SEL1L: variants seen among roughly 807,000 people sequenced by gnomAD.
The protein encoded by SEL1L is protein sel-1 homolog 1.
A neutral mutation model predicts 109.8 loss-of-function variants in SEL1L; 52 were observed. The observed-to-expected ratio is 0.47, with a 90% CI of 0.38 to 0.60. The LOEUF is 0.60. Ranked by LOEUF, SEL1L falls within the 20% of genes least tolerant of loss-of-function variation. The pLI, the probability that SEL1L is intolerant of heterozygous loss-of-function variation, is 0.00. For missense variants in SEL1L, 749 were observed against 962.2 expected, an observed-to-expected ratio of 0.78 and a Z score of 2.93; for synonymous variants, 373 against 339.6, an observed-to-expected ratio of 1.10 and a Z score of -1.08.
At chr14:81,485,570 G>A (rs1225278091) in intron 18 of SEL1L, 102 bp downstream of exon 18, 4 of 1,027,382 alleles carry the variant, frequency 3.9e-6, no homozygotes, top group Admixed American at 1.9e-5. Context: ...AGGGTTACAG[G>A]CGTGAGCCAC....
intron 16 of SEL1L, among the ~76,000 whole-genome samples, chr14:81,486,709 C>T (rs1373198944): frequency 6.6e-6 from 1 of 151,642 alleles, no homozygotes; most frequent in Non-Finnish European, 1.5e-5. Flanking sequence ...TCTGCCCGGG[C>T]ACTGTTGTAA....
intron 8 of SEL1L, chr14:81,498,937 A>G: frequency 4.5e-6 from 1 of 222,892 alleles, no homozygotes; most frequent in Non-Finnish European, 7.6e-6. Flanking sequence ...GCAATAAATG[A>G]CCAGAATAAA....
chr14:81,479,564 G>C, intron 20 of SEL1L, 48 bp downstream of exon 20: 1 of 1,573,312 alleles, frequency 6.4e-7, no homozygotes. Flanking sequence ...CTCCAGGACA[G>C]ACCTTCCATC....
chr14:81,524,950 T>C (rs1398613113), intron 3 of SEL1L, among the ~76,000 whole-genome samples: 1 of 152,062 alleles, frequency 6.6e-6, no homozygotes, highest in African/African-American at 2.4e-5. Flanking sequence ...TAGAAATGAA[T>C]TCAAACAAAT....
intron 3 of SEL1L, among the ~76,000 whole-genome samples, chr14:81,510,514 C>CTCTCTCTCTATATATATATA (rs35474067): frequency 4.6e-4 from 48 of 104,070 alleles, no homozygotes; most frequent in African/African-American, 1.0e-3. Context: ...CTCTCTCTCT[C>CTCTCTCTCTATATATATATA]TATATATATA....
chr14:81,528,869 G>C (rs1382481447), intron 1 of SEL1L, among the ~76,000 whole-genome samples: 2 of 152,086 alleles, frequency 1.3e-5, no homozygotes, highest in Non-Finnish European at 2.9e-5. Context: ...ACCTGTGTTA[G>C]AGTTTGTTAT....
At chr14:81,505,663 TG>T (rs1481453096) in intron 4 of SEL1L, among the ~76,000 whole-genome samples, 2 of 152,250 alleles carry the variant, frequency 1.3e-5, no homozygotes, top group African/African-American at 4.8e-5. Flanking sequence ...ACACTGTATT[TG>T]TCAAATGTTA....
intron 3 of SEL1L, among the ~76,000 whole-genome samples, chr14:81,506,655 T>TC (rs1314817081): frequency 3.3e-5 from 5 of 152,080 alleles, no homozygotes; most frequent in Non-Finnish European, 7.4e-5. Flanking sequence ...GGGCAAATGC[T>TC]CCCCCCAAGG....
At chr14:81,481,031 G>C (rs1204175627) in intron 19 of SEL1L, among the ~76,000 whole-genome samples, 1 of 152,118 alleles carries the variant, frequency 6.6e-6, no homozygotes, top group African/African-American at 2.4e-5. Context: ...CACCGGAAGA[G>C]ATACCTTGAA....
At chr14:81,501,753 G>C (rs1884017340) in intron 6 of SEL1L, among the ~76,000 whole-genome samples, 1 of 152,034 alleles carries the variant, frequency 6.6e-6, no homozygotes, top group Non-Finnish European at 1.5e-5. Context: ...CATTATTAAT[G>C]GGGAAACAAC....
intron 3 of SEL1L, among the ~76,000 whole-genome samples, chr14:81,507,175 G>A (rs763200428): frequency 3.3e-5 from 5 of 152,210 alleles, no homozygotes; most frequent in Non-Finnish European, 7.3e-5. Context: ...ATGTCTTAAG[G>A]AGTTTGAACT....
At position 81,533,821 on chromosome 14, in the gene SEL1L, G is replaced by T. The variant is rs765502571; in HGVS notation, c.-77C>A. ...CACCACGGACTCAGCCACCACCGCC[G>T]CCTCGCCGCTGCTCTTCCTGCTCTA... is the stretch of plus-strand genomic sequence containing the variant. On this transcript the variant is annotated 5_prime_UTR_variant, in exon 1 of 21. Coordinates refer to ENST00000336735, the MANE Select transcript of SEL1L (RefSeq NM_005065.6). The T allele has an allele frequency of 1.1e-4, 152 of 1,401,204 alleles. 1 individual carries two copies. Among genetic ancestry groups the T allele is most frequent in the Non-Finnish European group, 1.4e-4 (136 of 1,005,392 alleles). 86.8% of individuals were successfully genotyped at this position (1,401,204 alleles called of 1,614,324 possible). A position where few individuals can be genotyped will look rare whatever the true frequency, so the allele number is the denominator to read the frequency against.
At chr14:81,484,126 T>C in intron 19 of SEL1L, 99 bp downstream of exon 19, 3 of 1,283,116 alleles carry the variant, frequency 2.3e-6, no homozygotes, top group Non-Finnish European at 3.3e-6. Context: ...TGGCCTGAAA[T>C]CCAACTGAAT....
At chr14:81,532,768 C>G (rs976697406) in intron 1 of SEL1L, among the ~76,000 whole-genome samples, 11 of 152,238 alleles carry the variant, frequency 7.2e-5, no homozygotes, top group Admixed American at 2.6e-4. Context: ...ATTTATACTC[C>G]GTGTTGTCCC....
intron 3 of SEL1L, among the ~76,000 whole-genome samples, chr14:81,523,005 A>G (rs1884983345): frequency 6.6e-6 from 1 of 152,196 alleles, no homozygotes; most frequent in South Asian, 2.1e-4. Flanking sequence ...GAATCCATGA[A>G]TTCATAATGA....
At chr14:81,487,086 G>A (rs895630129) in intron 16 of SEL1L, among the ~76,000 whole-genome samples, 3 of 151,196 alleles carry the variant, frequency 2.0e-5, no homozygotes, top group African/African-American at 4.9e-5. Context: ...CTATAGGCAC[G>A]TGCCATTGTG....
At chr14:81,522,720 TA>T (rs1201965924) in intron 3 of SEL1L, among the ~76,000 whole-genome samples, 1 of 152,204 alleles carries the variant, frequency 6.6e-6, no homozygotes, top group African/African-American at 2.4e-5. Context: ...GGCCTGGTGG[TA>T]CCAAAATCCA....
chr14:81,479,749 C>G lies in SEL1L; in HGVS notation c.2047-9G>C. 6.3e-7 allele frequency: 1 copy of G among 1,593,684 alleles called. No individual in the cohort carries two copies. The highest frequency in any genetic ancestry group is 8.5e-7 in the Non-Finnish European group (1 of 1,172,920). On this transcript the variant is annotated splice_polypyrimidine_tract_variant and intron_variant, in intron 19 of 20. Coordinates refer to ENST00000336735, the MANE Select transcript of SEL1L (RefSeq NM_005065.6). ...TTCGCAAGGTGAATATCCTATAATACAGGTAAGAAACAAAAATGCATTTCT... is the reference window on the plus strand; with the variant it reads ...TTCGCAAGGTGAATATCCTATAATAGAGGTAAGAAACAAAAATGCATTTCT...
chr14:81,522,671 C>T (rs190483938), intron 3 of SEL1L, among the ~76,000 whole-genome samples: 1 of 152,328 alleles, frequency 6.6e-6, no homozygotes, highest in East Asian at 1.9e-4. Context: ...TGACACATGA[C>T]TGTCCCTCAG....
Sources: allele counts gnomAD v4.1 joint callset (sites outside exome capture counted in the v4.1 genomes callset), GRCh38; gene constraint gnomAD v4.1.1; transcripts MANE v1.5; gene names NCBI Gene and HGNC (gene_info 2026-07-23, HGNC 2026-07-21).